The following MSTO1 variants were observed in gnomAD, a reference collection of about 807,000 sequenced individuals.
The protein encoded by MSTO1 is protein misato homolog 1.
MSTO1 carries 24 observed loss-of-function variants against 55.7 expected under a neutral mutation model. The observed-to-expected ratio is 0.43, with a 90% CI of 0.31 to 0.61. The LOEUF (loss-of-function observed/expected upper bound fraction) is 0.61, where lower values mean the gene tolerates loss of function less well. Ranked by LOEUF, MSTO1 falls within the 20% of genes least tolerant of loss-of-function variation. MSTO1 has a pLI of 0.09. For missense variants in MSTO1, 363 were observed against 625.7 expected, an observed-to-expected ratio of 0.58 and a Z score of 4.48; for synonymous variants, 162 against 252.8, an observed-to-expected ratio of 0.64 and a Z score of 3.41.
the MSTO1 span, among the ~76,000 whole-genome samples, chr1:155,569,309 G>A: frequency 3.1e-4 from 46 of 150,526 alleles, 1 homozygote; most frequent in African/African-American, 9.3e-4. Context: ...CTAATTTTTT[G>A]TATTTTTAGT....
the MSTO1 span, among the ~76,000 whole-genome samples, chr1:155,601,848 G>A: frequency 6.6e-6 from 1 of 151,880 alleles, no homozygotes; most frequent in Non-Finnish European, 1.5e-5. Flanking sequence ...TCCGCCTCCC[G>A]GGTTCACACC....
chr1:155,567,449 C>A, the MSTO1 span, among the ~76,000 whole-genome samples: 1 of 151,666 alleles, frequency 6.6e-6, no homozygotes, highest in African/African-American at 2.4e-5. Flanking sequence ...GTAGCTGGGA[C>A]TACAGGCGCC....
At chr1:155,593,560 T>C in the MSTO1 span, among the ~76,000 whole-genome samples, 7 of 152,218 alleles carry the variant, frequency 4.6e-5, no homozygotes, top group Non-Finnish European at 1.0e-4. Flanking sequence ...ATATTCTGCC[T>C]ATCTGCTAGG....
At chr1:155,595,261 TCTGC>T in the MSTO1 span, among the ~76,000 whole-genome samples, 40 of 139,810 alleles carry the variant, frequency 2.9e-4, no homozygotes, top group African/African-American at 1.0e-3. Flanking sequence ...CACTGCAAGC[TCTGC>T]CTGCCGGGTT....
At chr1:155,607,662 C>A (rs1460159010), upstream of MSTO1, among the ~76,000 whole-genome samples, 1 of 152,204 alleles carries the variant, frequency 6.6e-6, no homozygotes, top group Admixed American at 6.5e-5. Flanking sequence ...CTTCCTTAAA[C>A]TGTCAGAGTA....
At chr1:155,563,314 T>C in the MSTO1 span, 3 of 455,816 alleles carry the variant, frequency 6.6e-6, no homozygotes, top group East Asian at 6.9e-5. Context: ...TCAGGAGAAC[T>C]AGTCCTCGAC....
the MSTO1 span, among the ~76,000 whole-genome samples, chr1:155,572,341 A>C: frequency 2.0e-5 from 3 of 152,188 alleles, no homozygotes; most frequent in Non-Finnish European, 4.4e-5. Context: ...AATTTAGAGA[A>C]AGAATTACTG....
At chr1:155,585,951 CT>C in the MSTO1 span, among the ~76,000 whole-genome samples, 4 of 151,060 alleles carry the variant, frequency 2.6e-5, no homozygotes, top group Non-Finnish European at 5.9e-5. Flanking sequence ...ACATGTCATA[CT>C]ATGCTAGATG....
In MSTO1 at chr1:155,614,563, G is replaced by T; in HGVS notation, c.*290G>T. The T allele has an allele frequency of 1.6e-6, 1 of 622,276 alleles. No homozygotes were observed. 38.5% of individuals were successfully genotyped at this position (622,276 alleles called of 1,614,324 possible). ...ATGCCTAGGATGGCAGAGCCCCTGG[G>T]TCCTACTCCATCCTCCAGCCTTTGT... On this transcript the variant is annotated 3_prime_UTR_variant, in exon 14 of 14. Coordinates refer to ENST00000245564, the MANE Select transcript of MSTO1 (RefSeq NM_018116.4).
chr1:155,572,919 AGAT>A, the MSTO1 span, among the ~76,000 whole-genome samples: 1 of 152,056 alleles, frequency 6.6e-6, no homozygotes, highest in African/African-American at 2.4e-5. Context: ...CAAAGTGCTC[AGAT>A]GACAGGTGTG....
At chr1:155,573,584 T>C in the MSTO1 span, among the ~76,000 whole-genome samples, 2 of 151,862 alleles carry the variant, frequency 1.3e-5, no homozygotes, top group East Asian at 3.9e-4. Context: ...ACGCCTGTAA[T>C]CCCAGCACTT....
chr1:155,563,581 C>G, the MSTO1 span: 1 of 456,312 alleles, frequency 2.2e-6, no homozygotes, highest in African/African-American at 2.0e-5. Flanking sequence ...TTGCCCTTGA[C>G]GCACTTACTC....
At chr1:155,580,648 G>T in the MSTO1 span, among the ~76,000 whole-genome samples, 1 of 152,158 alleles carries the variant, frequency 6.6e-6, no homozygotes, top group Non-Finnish European at 1.5e-5. Flanking sequence ...GCCAGGTGCG[G>T]TGGCTCACGC....
chr1:155,599,368 C>A, the MSTO1 span, among the ~76,000 whole-genome samples: 2 of 152,182 alleles, frequency 1.3e-5, no homozygotes, highest in African/African-American at 4.8e-5. Flanking sequence ...TATTTAATAC[C>A]CATGAGCATA....
At chr1:155,578,756 C>T in the MSTO1 span, among the ~76,000 whole-genome samples, 60 of 149,752 alleles carry the variant, frequency 4.0e-4, no homozygotes, top group African/African-American at 1.1e-3. Flanking sequence ...GTGATCCGCC[C>T]GCCTCGGCCT....
chr1:155,571,205 A>G, the MSTO1 span, among the ~76,000 whole-genome samples: 1 of 152,208 alleles, frequency 6.6e-6, no homozygotes, highest in African/African-American at 2.4e-5. Flanking sequence ...CTATAGTCCA[A>G]GCTTGTCGAA....
the MSTO1 span, among the ~76,000 whole-genome samples, chr1:155,569,211 C>T: frequency 6.6e-6 from 1 of 151,842 alleles, no homozygotes; most frequent in Non-Finnish European, 1.5e-5. Context: ...TCTCAGCTCA[C>T]TGCAAGTTCC....
Position 155,614,937 on chromosome 1 carries a change from T to G in MSTO1, c.*664T>G. The G allele has an allele frequency of 2.6e-6, 3 of 1,143,120 alleles. No individual in the cohort carries two copies. Among genetic ancestry groups the G allele is most frequent in the Non-Finnish European group, 3.9e-6 (3 of 774,406 alleles). The allele number at this position is 1,143,120 out of a possible 1,614,324, so 70.8% of individuals were successfully genotyped here. A position where few individuals can be genotyped will look rare whatever the true frequency, so the allele number is the denominator to read the frequency against. ...ATGTTAACATTTATGAAGCACTATATATTGATTTGCAAAATCTTTTGTTTA... is the reference window on the plus strand; with the variant it reads ...ATGTTAACATTTATGAAGCACTATAGATTGATTTGCAAAATCTTTTGTTTA... On this transcript the variant is annotated 3_prime_UTR_variant, in exon 14 of 14. Transcript: ENST00000245564.
At chr1:155,608,265 G>A (rs1427692523), upstream of MSTO1, among the ~76,000 whole-genome samples, 1 of 152,176 alleles carries the variant, frequency 6.6e-6, no homozygotes, top group Admixed American at 6.5e-5. Context: ...CTGCGCTGAA[G>A]CGATCCTCTC....
Sources: allele counts gnomAD v4.1 joint callset (sites outside exome capture counted in the v4.1 genomes callset), GRCh38; gene constraint gnomAD v4.1.1; transcripts MANE v1.5; gene names NCBI Gene and HGNC (gene_info 2026-07-23, HGNC 2026-07-21).